Variants in NUMA1 observed in about 807,000 individuals in gnomAD.
The protein encoded by NUMA1 is SP-H antigen.
A neutral mutation model predicts 237.1 loss-of-function variants in NUMA1; 62 were observed. The observed-to-expected ratio is 0.26, with a 90% CI of 0.21 to 0.32. The LOEUF (loss-of-function observed/expected upper bound fraction) is 0.32, where lower values mean the gene tolerates loss of function less well. Among genes scored for constraint, NUMA1 ranks in the 10% least tolerant of loss-of-function variants. NUMA1 has a pLI of 1.00. For missense variants in NUMA1, 2,533 were observed against 2,666.5 expected (o/e 0.95, Z 1.10); for synonymous variants, 1,028 against 1,066.1 (o/e 0.96, Z 0.70).
chr11:72,048,946 C>T (rs1212033293), intron 2 of NUMA1, among the ~76,000 whole-genome samples: 1 of 152,088 alleles, frequency 6.6e-6, no homozygotes, highest in African/African-American at 2.4e-5. Flanking sequence ...GCCTCATTGT[C>T]CCTCTCCAGA....
intron 16 of NUMA1, among the ~76,000 whole-genome samples, 174 bp from the exon 17 acceptor site, chr11:72,011,028 C>A (rs939334761): frequency 6.6e-6 from 1 of 152,180 alleles, no homozygotes; most frequent in South Asian, 2.1e-4. Context: ...GGCTGCTTGG[C>A]AGGGCCTGAA....
Position 72,014,039 on chromosome 11 carries a change from G to A in NUMA1, c.3464C>T (p.Ala1155Val). ...SLERSLEAER[A>V]SRAERDSALE... ...AGCACTGTCCCGCTCAGCCCGGGAG[G>A]CCCGCTCAGCCTCGAGGCTGCGTTC... The change falls in exon 15 of 27, where the codon GCC (alanine) becomes GTC (valine). Residue 1155 changes from alanine to valine, a missense_variant. Transcript: ENST00000393695. The surrounding 1 kb of genome is among the most constrained non-coding windows in gnomAD (Gnocchi z 4.6). 6.2e-7 allele frequency: 1 copy of A among 1,610,912 alleles called. No individual in the cohort carries two copies. The highest frequency in any genetic ancestry group is 8.5e-7 in the Non-Finnish European group (1 of 1,179,950).
chr11:72,057,226 T>C (rs1942704206), intron 2 of NUMA1, among the ~76,000 whole-genome samples: 1 of 152,190 alleles, frequency 6.6e-6, no homozygotes, highest in South Asian at 2.1e-4. Context: ...AGCCTTCATT[T>C]AAGTTATTAA....
intron 4 of NUMA1, 79 bp downstream of exon 4, chr11:72,029,126 G>C: frequency 9.8e-7 from 1 of 1,016,572 alleles, no homozygotes; most frequent in Non-Finnish European, 1.5e-6. Flanking sequence ...CCATCATCAA[G>C]TAAAGAGAAC....
chr11:72,059,422 C>CAT, intron 2 of NUMA1, among the ~76,000 whole-genome samples: 2 of 152,096 alleles, frequency 1.3e-5, no homozygotes, highest in Non-Finnish European at 2.9e-5. Context: ...ACTAAAGGTG[C>CAT]GCACCACCAT....
intron 5 of NUMA1, among the ~76,000 whole-genome samples, chr11:72,023,574 G>A (rs2135386402): frequency 6.6e-6 from 1 of 152,244 alleles, no homozygotes; most frequent in East Asian, 1.9e-4. Context: ...GAGGGTCTGG[G>A]CTCAAATTAC....
Position 72,004,740 on chromosome 11 carries a change from C to T in NUMA1, c.5906G>A (p.Ser1969Asn). 6.2e-7 allele frequency: 1 copy of T among 1,612,464 alleles called. No individual in the cohort carries two copies. Among genetic ancestry groups the T allele is most frequent in the Non-Finnish European group, 8.5e-7 (1 of 1,179,430 alleles). Residue 1969 changes from serine (S) to asparagine (N), a missense_variant, in exon 24 of 27, where the codon AGC becomes AAC. Physicochemically the swap from Ser to Asn is conservative, Grantham distance 46. Transcript: ENST00000393695. Reference sequence around the variant, plus strand: ...CTCGGCTATCTGGATTGGCTGCATGCTGGCTCGGCGCAGGGTCTCTTGGGG... The same window carrying T: ...CTCGGCTATCTGGATTGGCTGCATGTTGGCTCGGCGCAGGGTCTCTTGGGG... ...GDPQETLRRASMQPIQIAEGT... is the reference protein window; with the variant it reads ...GDPQETLRRANMQPIQIAEGT...
intron 2 of NUMA1, among the ~76,000 whole-genome samples, chr11:72,060,177 A>C (rs904016575): frequency 6.6e-6 from 1 of 152,212 alleles, no homozygotes; most frequent in Admixed American, 6.5e-5. Context: ...ACTATGGCCT[A>C]TAAGTTAGCA....
At chr11:72,052,555 C>T (rs1591047100) in intron 2 of NUMA1, among the ~76,000 whole-genome samples, 1 of 152,110 alleles carries the variant, frequency 6.6e-6, no homozygotes, top group African/African-American at 2.4e-5. Context: ...ATCATGAGGT[C>T]AGGAGATTGA....
intron 26 of NUMA1, 38 bp from the exon 27 acceptor site, chr11:72,003,576 G>C (rs967062903): frequency 1.2e-5 from 19 of 1,613,762 alleles, no homozygotes; most frequent in Non-Finnish European, 1.6e-5. Flanking sequence ...ATGAGAACTT[G>C]CGATACTAGC....
chr11:72,021,999 TG>T (rs34022127), intron 7 of NUMA1, among the ~76,000 whole-genome samples: 134,500 of 151,664 alleles, frequency 0.89, 59,928 homozygotes, highest in Non-Finnish European at 0.94. Context: ...GAAAGTTCTG[TG>T]GGGGAAAAAA....
intron 2 of NUMA1, among the ~76,000 whole-genome samples, chr11:72,044,158 A>C (rs1034272253): frequency 6.6e-6 from 1 of 152,114 alleles, no homozygotes; most frequent in African/African-American, 2.4e-5. Context: ...ATCACATAGC[A>C]AGTAAATGGC....
At chr11:72,023,535 A>C (rs536360851) in intron 5 of NUMA1, among the ~76,000 whole-genome samples, 5 of 152,202 alleles carry the variant, frequency 3.3e-5, no homozygotes, top group Non-Finnish European at 7.3e-5. Context: ...GAAAAGGACA[A>C]CTAGGGATAC....
At chr11:72,006,600 C>G (rs1955732188) in intron 21 of NUMA1, among the ~76,000 whole-genome samples, 1 of 152,196 alleles carries the variant, frequency 6.6e-6, no homozygotes, top group Non-Finnish European at 1.5e-5. Flanking sequence ...TAGGAAGTAT[C>G]AGAGCTGGGG....
At chr11:72,008,513 C>T in intron 20 of NUMA1, 175 bp downstream of exon 20, 1 of 714,738 alleles carries the variant, frequency 1.4e-6, no homozygotes, top group East Asian at 2.7e-5. Flanking sequence ...CCTTTCTTGA[C>T]CACTTGCTTT....
chr11:72,024,663 G>C, intron 4 of NUMA1: 1 of 372,538 alleles, frequency 2.7e-6, no homozygotes, highest in Non-Finnish European at 5.1e-6. Context: ...CAGCACAGAT[G>C]AACGGGAAGC....
chr11:72,073,433 G>A (rs1409163514), intron 1 of NUMA1, among the ~76,000 whole-genome samples: 6 of 152,148 alleles, frequency 3.9e-5, no homozygotes, highest in African/African-American at 7.2e-5. Context: ...AGCTGCATTA[G>A]TAGAAGATGA....
intron 26 of NUMA1, 40 bp from the exon 27 acceptor site, chr11:72,003,578 G>C: frequency 6.2e-7 from 1 of 1,613,570 alleles, no homozygotes; most frequent in Non-Finnish European, 8.5e-7. Flanking sequence ...GAGAACTTGC[G>C]ATACTAGCCT....
chr11:72,076,994 A>T (rs1256584614), intron 1 of NUMA1, among the ~76,000 whole-genome samples: 1 of 152,194 alleles, frequency 6.6e-6, no homozygotes, highest in Non-Finnish European at 1.5e-5. Context: ...AATAAATGAA[A>T]AAGTTAGCTA....
Sources: allele counts gnomAD v4.1 joint callset (sites outside exome capture counted in the v4.1 genomes callset), GRCh38; gene constraint gnomAD v4.1.1; non-coding constraint Gnocchi (gnomAD v3.1); transcripts MANE v1.5; gene names NCBI Gene and HGNC (gene_info 2026-07-23, HGNC 2026-07-21).